The following CATSPERB variants were observed in gnomAD, a reference collection of about 807,000 sequenced individuals.
The protein encoded by CATSPERB is cation channel sperm-associated auxiliary subunit beta.
Under a neutral mutation model 128.3 loss-of-function variants are expected in CATSPERB, and 93 were observed. The observed-to-expected ratio is 0.72, with a 90% CI of 0.61 to 0.86. CATSPERB has a LOEUF of 0.86. CATSPERB is among the 40% of genes least tolerant of loss of function. The pLI, the probability that CATSPERB is intolerant of heterozygous loss-of-function variation, is 0.00. For synonymous variants in CATSPERB, 381 were observed against 448.8 expected (o/e 0.85, Z 1.91); for missense variants, 1,153 against 1,329.5 (o/e 0.87, Z 2.06).
intron 22 of CATSPERB, among the ~76,000 whole-genome samples, chr14:91,597,108 T>C (rs187445073): frequency 3.2e-4 from 49 of 152,044 alleles, no homozygotes; most frequent in Admixed American, 2.3e-3. Context: ...TCAGCCAGGA[T>C]GGTCTCGATC....
At chr14:91,704,015 C>T (rs1895694946) in intron 7 of CATSPERB, among the ~76,000 whole-genome samples, 1 of 151,944 alleles carries the variant, frequency 6.6e-6, no homozygotes, top group African/African-American at 2.4e-5. Context: ...ATAGCTAGTG[C>T]CAGAATTGTA....
chr14:91,715,622 A>T (rs1203205624), intron 5 of CATSPERB, among the ~76,000 whole-genome samples: 1 of 152,062 alleles, frequency 6.6e-6, no homozygotes, highest in Non-Finnish European at 1.5e-5. Flanking sequence ...AATGCAATAC[A>T]AAATTAAAAA....
At chr14:91,702,991 T>C (rs765536333) in intron 7 of CATSPERB, among the ~76,000 whole-genome samples, 6 of 152,018 alleles carry the variant, frequency 3.9e-5, no homozygotes, top group Non-Finnish European at 7.4e-5. Context: ...AATTAGTCCT[T>C]GGTGGAGTGA....
At chr14:91,710,418 T>G (rs1048188449) in intron 5 of CATSPERB, 5 of 152,184 alleles carry the variant, frequency 3.3e-5, no homozygotes, top group Non-Finnish European at 5.9e-5. Context: ...ATGCCGTATA[T>G]TTTTAAGGAG....
intron 14 of CATSPERB, among the ~76,000 whole-genome samples, chr14:91,662,523 T>A (rs1390025897): frequency 5.3e-5 from 8 of 152,210 alleles, no homozygotes; most frequent in Admixed American, 3.3e-4. Flanking sequence ...ACAAACATTT[T>A]AAAATGTCTC....
At chr14:91,590,933 G>A (rs1251930663) in intron 23 of CATSPERB, among the ~76,000 whole-genome samples, 1 of 152,048 alleles carries the variant, frequency 6.6e-6, no homozygotes, top group African/African-American at 2.4e-5. Context: ...TTACAGGCGT[G>A]AGCCACCGAG....
intron 23 of CATSPERB, among the ~76,000 whole-genome samples, chr14:91,590,472 G>A (rs1300834941): frequency 4.6e-5 from 7 of 151,964 alleles, no homozygotes; most frequent in Admixed American, 1.3e-4. Flanking sequence ...CGGAGGTTGC[G>A]GTGAGCTGAG....
intron 2 of CATSPERB, among the ~76,000 whole-genome samples, chr14:91,728,677 T>A (rs1234928952): frequency 1.3e-5 from 2 of 152,354 alleles, no homozygotes; most frequent in African/African-American, 4.8e-5. Context: ...AGAAAATTAC[T>A]CTTTCGCAAG....
chr14:91,730,629 G>A lies in CATSPERB; in HGVS notation c.1-1150C>T, dbSNP rs982590384. 3.3e-5 allele frequency among the ~76,000 whole-genome samples: 5 copies of A among 152,214 alleles called. No homozygotes were observed. The South Asian group carries it at 8.3e-4, about 25-fold the overall frequency. On this transcript the variant is annotated intron_variant, in intron 1 of 26. Coordinates refer to ENST00000256343, the MANE Select transcript of CATSPERB (RefSeq NM_024764.4). Reference sequence around the variant, plus strand: ...TTTGCTATTAGTAATAAAGTCCTTCGTCTCTGACCTAGGAGTCTTGTGTCT... The same window carrying A: ...TTTGCTATTAGTAATAAAGTCCTTCATCTCTGACCTAGGAGTCTTGTGTCT...
Position 91,610,604 on chromosome 14 carries a change from A to G in CATSPERB, c.2474T>C (p.Leu825Pro), listed in dbSNP as rs1236634196. Residue 825 changes from leucine to proline, a missense_variant, in exon 21 of 27, where the codon CTG becomes CCG. Physicochemically the swap from Leu to Pro is moderately conservative, Grantham distance 98. Transcript: ENST00000256343. The part of the protein sequence containing the change: ...ECFVTTMVPT[L>P]KSSCSYLRSM... ...TCTGAGATAACTACAGCTGCTTTTCAGTGTTGGCACCATTGTCGTAACAAA... is the reference window on the plus strand; with the variant it reads ...TCTGAGATAACTACAGCTGCTTTTCGGTGTTGGCACCATTGTCGTAACAAA... The G allele has an allele frequency of 1.2e-6, 2 of 1,614,060 alleles. No individual in the cohort carries two copies. Among genetic ancestry groups the G allele is most frequent in the African/African-American group, 2.7e-5 (2 of 74,920 alleles).
intron 14 of CATSPERB, 134 bp downstream of exon 14, chr14:91,669,680 C>A: frequency 1.2e-6 from 1 of 813,242 alleles, no homozygotes; most frequent in South Asian, 2.2e-5. Context: ...AATAAATAGT[C>A]AATAAATATT....
chr14:91,600,581 T>C (rs950651138), intron 22 of CATSPERB, among the ~76,000 whole-genome samples: 38 of 152,262 alleles, frequency 2.5e-4, no homozygotes, highest in African/African-American at 8.9e-4. Context: ...ATAGCAATTT[T>C]AAAGACACTT....
At chr14:91,673,875 CTGTCT>C (rs1895144380) in intron 12 of CATSPERB, among the ~76,000 whole-genome samples, 1 of 133,766 alleles carries the variant, frequency 7.5e-6, no homozygotes, top group Non-Finnish European at 1.7e-5. Flanking sequence ...GAGCGAGACT[CTGTCT>C]CAAAAAAAAA....
chr14:91,696,505 A>G (rs767177281), intron 7 of CATSPERB, among the ~76,000 whole-genome samples: 1 of 152,220 alleles, frequency 6.6e-6, no homozygotes, highest in African/African-American at 2.4e-5. Flanking sequence ...GATGGAAACC[A>G]GAGTCTGATT....
chr14:91,671,312 G>T (rs1009172164), intron 13 of CATSPERB, among the ~76,000 whole-genome samples: 4 of 152,120 alleles, frequency 2.6e-5, no homozygotes, highest in African/African-American at 7.2e-5. Flanking sequence ...TGTGGCTCAT[G>T]CCTGCAATTC....
rs929392319 is a variant in CATSPERB, at chr14:91,718,375, T to C, written c.370+1043A>G. On this transcript the variant is annotated intron_variant, in intron 5 of 26. Transcript: ENST00000256343. ...TTTTTTATCTATAGAATCTTTTCCA[T>C]CATCTCTAACTTACCCTCACCTTGC... 5.3e-5 allele frequency among the ~76,000 whole-genome samples: 8 copies of C among 152,204 alleles called. 1 individual carries two copies.
intron 15 of CATSPERB, among the ~76,000 whole-genome samples, chr14:91,647,441 T>C (rs1014537340): frequency 1.1e-4 from 17 of 152,218 alleles, no homozygotes; most frequent in African/African-American, 3.9e-4. Context: ...ACTTTGGTAC[T>C]GTGTGCCCTC....
intron 15 of CATSPERB, among the ~76,000 whole-genome samples, chr14:91,641,609 T>C (rs1894501688): frequency 2.8e-5 from 4 of 144,892 alleles, no homozygotes; most frequent in Middle Eastern, 3.6e-3. Context: ...TTGGTTACTG[T>C]AGCCTTGTAG....
chr14:91,608,502 C>A, intron 21 of CATSPERB, 98 bp from the exon 22 acceptor site: 2 of 730,350 alleles, frequency 2.7e-6, no homozygotes, highest in South Asian at 3.6e-5. Context: ...GGCAAAAATT[C>A]AATTTTTAGC....
Sources: gnomAD v4.1 joint callset for allele counts (sites outside exome capture counted in the v4.1 genomes callset) on GRCh38, gnomAD v4.1.1 for gene constraint, MANE v1.5 for transcripts, NCBI Gene and HGNC (gene_info 2026-07-23, HGNC 2026-07-21) for gene names.